KCNQ1OT1: variants seen among roughly 807,000 people sequenced by gnomAD.
KCNQ1OT1 encodes KCNQ1 opposite strand/antisense transcript 1.
chr11:2,645,653 G>C lies in KCNQ1OT1; in HGVS notation n.54342C>G. The C allele has an allele frequency of 2.5e-6, 1 of 398,790 alleles. No homozygotes were observed. The highest frequency in any genetic ancestry group is 4.4e-6 in the Non-Finnish European group (1 of 226,188). The allele number at this position is 398,790 out of a possible 1,614,324, so 24.7% of individuals were successfully genotyped here. A position where few individuals can be genotyped will look rare whatever the true frequency, so the allele number is the denominator to read the frequency against. ...TTCCTCATGGCAGCCTTGCTTCGGA[G>C]GTAGCAGAGTATTGCCAATGGCTCA... On this transcript the variant is annotated non_coding_transcript_exon_variant, in exon 1 of 1. Transcript: ENST00000597346. The surrounding 1 kb of genome is among the most constrained non-coding windows in gnomAD (Gnocchi z 5.8).
Position 2,662,202 on chromosome 11 carries a change from C to T in KCNQ1OT1, n.37793G>A, listed in dbSNP as rs543981243. ...GTGCTATCTACTCGCCTAGTGCCCA[C>T]CACTTGCCGTCTGCCTGGCCCCAAC... On this transcript the variant is annotated non_coding_transcript_exon_variant, in exon 1 of 1. Transcript: ENST00000597346. 3.0e-4 allele frequency: 411 copies of T among 1,380,094 alleles called. 8 individuals are homozygous for T. In the South Asian group the frequency reaches 5.1e-3, roughly 17 times the overall value. 85.5% of individuals were successfully genotyped at this position (1,380,094 alleles called of 1,614,324 possible). A position where few individuals can be genotyped will look rare whatever the true frequency, so the allele number is the denominator to read the frequency against.
chr11:2,673,425 G>GCC lies in KCNQ1OT1; in HGVS notation n.26569_26570insGG. 2.5e-6 allele frequency: 1 copy of GCC among 398,674 alleles called. No homozygotes were observed. The highest frequency in any genetic ancestry group is 4.4e-6 in the Non-Finnish European group (1 of 226,086). 24.7% of individuals were successfully genotyped at this position (398,674 alleles called of 1,614,324 possible). On this transcript the variant is annotated non_coding_transcript_exon_variant, in exon 1 of 1. Coordinates refer to ENST00000597346, the Ensembl canonical transcript of KCNQ1OT1. The surrounding 1 kb of genome is among the most constrained non-coding windows in gnomAD (Gnocchi z 4.5). Reference sequence around the variant, plus strand: ...ACCTTCTGCCTAGGCACCAGGCCTGGAGGTTCCAACTTGGTGTTGGGCCTC... The same window carrying GCC: ...ACCTTCTGCCTAGGCACCAGGCCTGGCCAGGTTCCAACTTGGTGTTGGGCCTC...
exon 1 of KCNQ1OT1, chr11:2,632,477 A>G (rs1849376976): frequency 2.5e-6 from 1 of 398,408 alleles, no homozygotes; most frequent in Non-Finnish European, 4.4e-6. Context: ...TTTCACCATT[A>G]TGATGCTCCT....
At position 2,668,689 on chromosome 11, in the gene KCNQ1OT1, C is replaced by A; in HGVS notation, n.31306G>T. On this transcript the variant is annotated non_coding_transcript_exon_variant, in exon 1 of 1. Transcript: ENST00000597346. This position sits in a 1 kb window ranked among gnomAD's most constrained non-coding sequence, Gnocchi z 4.3. ...GAGTCATTTGTCAGAGAGAGAGATA[C>A]ACACACTCACACTCTCTCACAGACA... is the stretch of plus-strand genomic sequence containing the variant. The A allele has an allele frequency of 2.5e-6, 1 of 398,544 alleles. No individual in the cohort carries two copies. Among genetic ancestry groups the A allele is most frequent in the Non-Finnish European group, 4.4e-6 (1 of 226,050 alleles). The allele number at this position is 398,544 out of a possible 1,614,324, so 24.7% of individuals were successfully genotyped here. A position where few individuals can be genotyped will look rare whatever the true frequency, so the allele number is the denominator to read the frequency against.
At chr11:2,689,311 C>T in exon 1 of KCNQ1OT1, 1 of 398,662 alleles carries the variant, frequency 2.5e-6, no homozygotes, top group Non-Finnish European at 4.4e-6. Flanking sequence ...GACTCAATGC[C>T]ACCTCAGGAC....
exon 1 of KCNQ1OT1, chr11:2,640,148 T>C (rs2133828132): frequency 2.8e-6 from 1 of 358,610 alleles, no homozygotes; most frequent in East Asian, 4.1e-5. Flanking sequence ...TGACCCCTTG[T>C]GCTTCCCAGG....
exon 1 of KCNQ1OT1, chr11:2,667,306 G>A: frequency 2.5e-6 from 1 of 398,626 alleles, no homozygotes. Flanking sequence ...GCACTGTCTA[G>A]GTGGATGGCC....
Position 2,662,219 on chromosome 11 carries a change from G to A in KCNQ1OT1, n.37776C>T, listed in dbSNP as rs577722750. 28 of 1,205,176 alleles carry A rather than the reference G, an allele frequency of 2.3e-5. No homozygotes were observed. The Admixed American group carries it at 3.7e-4, about 16-fold the overall frequency. The allele number at this position is 1,205,176 out of a possible 1,614,324, so 74.7% of individuals were successfully genotyped here. A position where few individuals can be genotyped will look rare whatever the true frequency, so the allele number is the denominator to read the frequency against. ...AGTGCCCACCACTTGCCGTCTGCCT[G>A]GCCCCAACACGGAGGCACCAGGCAA... On this transcript the variant is annotated non_coding_transcript_exon_variant, in exon 1 of 1. Transcript: ENST00000597346.
Position 2,610,901 on chromosome 11 carries a change from T to G in KCNQ1OT1, n.89094A>C, listed in dbSNP as rs913224900. On this transcript the variant is annotated non_coding_transcript_exon_variant, in exon 1 of 1. Transcript: ENST00000597346. The stretch of plus-strand genomic sequence containing the variant: ...CACCTCCCACCATTTCATCCAAGAA[T>G]AGTAGTTGGGTAATAGTTCAATAAC... The G allele has an allele frequency of 1.8e-5, 7 of 398,330 alleles. No homozygotes were observed. The Admixed American group carries it at 3.1e-4, about 18-fold the overall frequency. 24.7% of individuals were successfully genotyped at this position (398,330 alleles called of 1,614,324 possible).
rs1850216960 is a variant in KCNQ1OT1, at chr11:2,673,146, C to T, written n.26849G>A. 2.5e-6 allele frequency: 1 copy of T among 398,590 alleles called. No individual in the cohort carries two copies. The highest frequency in any genetic ancestry group is 4.4e-5 in the Admixed American group (1 of 22,716). The allele number at this position is 398,590 out of a possible 1,614,324, so 24.7% of individuals were successfully genotyped here. A position where few individuals can be genotyped will look rare whatever the true frequency, so the allele number is the denominator to read the frequency against. On this transcript the variant is annotated non_coding_transcript_exon_variant, in exon 1 of 1. Transcript: ENST00000597346. The surrounding 1 kb of genome is among the most constrained non-coding windows in gnomAD (Gnocchi z 4.5). ...CATCAGGGCAGGGGTGCTGACCATC[C>T]CTGACCCAAGCACGAGGATCAGAAT...
chr11:2,646,175 T>C, exon 1 of KCNQ1OT1: 1 of 398,628 alleles, frequency 2.5e-6, no homozygotes. Flanking sequence ...CTATATAAAC[T>C]GTGGTTACCT....
chr11:2,636,934 A>G (rs547710314), exon 1 of KCNQ1OT1: 1 of 152,296 alleles, frequency 6.6e-6, no homozygotes, highest in Non-Finnish European at 1.5e-5. Flanking sequence ...GTCTCCAGGA[A>G]TTTATCCATT....
rs760173098 is a variant in KCNQ1OT1 at position 2,627,295 on chromosome 11, T to C, written n.72700A>G. The C allele has an allele frequency of 1.0e-5, 4 of 398,452 alleles. No homozygotes were observed. The highest frequency in any genetic ancestry group is 2.1e-5 in the African/African-American group (1 of 48,636). The allele number at this position is 398,452 out of a possible 1,614,324, so 24.7% of individuals were successfully genotyped here. A position where few individuals can be genotyped will look rare whatever the true frequency, so the allele number is the denominator to read the frequency against. On this transcript the variant is annotated non_coding_transcript_exon_variant, in exon 1 of 1. Transcript: ENST00000597346. The surrounding 1 kb of genome is among the most constrained non-coding windows in gnomAD (Gnocchi z 4.9). ...GCCAATTAACATATACCTTACATAGTTGCCATGTGTGTGCGTGTGTGTGGT... is the reference window on the plus strand; with the variant it reads ...GCCAATTAACATATACCTTACATAGCTGCCATGTGTGTGCGTGTGTGTGGT...
chr11:2,618,117 C>A, exon 1 of KCNQ1OT1: 6 of 398,456 alleles, frequency 1.5e-5, no homozygotes, highest in Non-Finnish European at 2.2e-5. Context: ...CCATGTCGAG[C>A]TTTTCCCCTA....
exon 1 of KCNQ1OT1, chr11:2,662,481 G>A (rs1849979548): frequency 8.6e-6 from 4 of 467,466 alleles, no homozygotes; most frequent in African/African-American, 3.9e-5. Context: ...CAGTCTGCCA[G>A]TTGCTGCTGC....
At position 2,653,966 on chromosome 11, in the gene KCNQ1OT1, A is replaced by G; in HGVS notation, n.46029T>C. On this transcript the variant is annotated non_coding_transcript_exon_variant, in exon 1 of 1. Coordinates refer to ENST00000597346, the Ensembl canonical transcript of KCNQ1OT1. The surrounding 1 kb of genome is among the most constrained non-coding windows in gnomAD (Gnocchi z 5.3). The stretch of plus-strand genomic sequence containing the variant: ...GGCAAAAACAACAGGTGTCCACTCA[A>G]GCAAGGTATTTTCCTAAGCGGAACT... The G allele has an allele frequency of 5.0e-6, 2 of 398,546 alleles. No homozygotes were observed. The highest frequency in any genetic ancestry group is 8.8e-6 in the Non-Finnish European group (2 of 226,088). The allele number at this position is 398,546 out of a possible 1,614,324, so 24.7% of individuals were successfully genotyped here.
At position 2,654,197 on chromosome 11, in the gene KCNQ1OT1, A is replaced by G. The variant is rs889516445; in HGVS notation, n.45798T>C. On this transcript the variant is annotated non_coding_transcript_exon_variant, in exon 1 of 1. Transcript: ENST00000597346. The surrounding 1 kb of genome is among the most constrained non-coding windows in gnomAD (Gnocchi z 6.4). Reference sequence around the variant, plus strand: ...CAGGCTGTGGGGCTGCGGCTCAGCAATGTCACGCAGGGCCTGGCTGCAGCT... The same window carrying G: ...CAGGCTGTGGGGCTGCGGCTCAGCAGTGTCACGCAGGGCCTGGCTGCAGCT... 5.0e-6 allele frequency: 2 copies of G among 398,698 alleles called. No individual in the cohort carries two copies. The highest frequency in any genetic ancestry group is 6.3e-4 in the Middle Eastern group (1 of 1,588). The allele number at this position is 398,698 out of a possible 1,614,324, so 24.7% of individuals were successfully genotyped here.
rs1255782709 is a variant in KCNQ1OT1, at chr11:2,683,488, A to C, written n.16507T>G. 5.0e-6 allele frequency: 2 copies of C among 398,512 alleles called. No homozygotes were observed. Among genetic ancestry groups the C allele is most frequent in the East Asian group, 3.6e-5 (1 of 28,092 alleles). The allele number at this position is 398,512 out of a possible 1,614,324, so 24.7% of individuals were successfully genotyped here. A position where few individuals can be genotyped will look rare whatever the true frequency, so the allele number is the denominator to read the frequency against. On this transcript the variant is annotated non_coding_transcript_exon_variant, in exon 1 of 1. Transcript: ENST00000597346. The surrounding 1 kb of genome is among the most constrained non-coding windows in gnomAD (Gnocchi z 4.7). ...CATCAATGACAGTTTTCCTATTAAAACATAACTTGTTAAAGCATAGAGCTT... is the reference window on the plus strand; with the variant it reads ...CATCAATGACAGTTTTCCTATTAAACCATAACTTGTTAAAGCATAGAGCTT...
Position 2,641,832 on chromosome 11 carries a change from C to T in KCNQ1OT1, n.58163G>A, listed in dbSNP as rs530437153. ...ATTTTAGTATAGCAAGAGATAGAAA[C>T]GGTTTCATTTTTCACATGGATATCT... is the stretch of plus-strand genomic sequence containing the variant. On this transcript the variant is annotated non_coding_transcript_exon_variant, in exon 1 of 1. Coordinates refer to ENST00000597346, the Ensembl canonical transcript of KCNQ1OT1. 9.0e-5 allele frequency: 36 copies of T among 398,252 alleles called. 1 individual carries two copies. In the East Asian group the frequency reaches 1.0e-3, roughly 11 times the overall value. 24.7% of individuals were successfully genotyped at this position (398,252 alleles called of 1,614,324 possible). A position where few individuals can be genotyped will look rare whatever the true frequency, so the allele number is the denominator to read the frequency against.
Sources: allele counts gnomAD v4.1 joint callset, GRCh38; gene constraint gnomAD v4.1.1; non-coding constraint Gnocchi (gnomAD v3.1); transcripts MANE v1.5; gene names NCBI Gene and HGNC (gene_info 2026-07-23, HGNC 2026-07-21).